CTNND2: variants seen among roughly 807,000 people sequenced by gnomAD.
CTNND2 encodes catenin delta-2.
CTNND2 carries 22 observed loss-of-function variants against 144.4 expected under a neutral mutation model. The observed-to-expected ratio is 0.15, with a 90% CI of 0.11 to 0.22. The LOEUF (loss-of-function observed/expected upper bound fraction) is 0.22, where lower values mean the gene tolerates loss of function less well. Among genes scored for constraint, CTNND2 ranks in the 10% least tolerant of loss-of-function variants. CTNND2 has a pLI of 1.00. For synonymous variants in CTNND2, 751 were observed against 695.6 expected, an observed-to-expected ratio of 1.08 and a Z score of -1.25; for missense variants, 1,353 against 1,618.8, an observed-to-expected ratio of 0.84 and a Z score of 2.82.
chr5:11,082,860 G>C lies in CTNND2; in HGVS notation c.2638-14C>G, dbSNP rs778523469. On this transcript the variant is annotated splice_polypyrimidine_tract_variant and intron_variant, in intron 15 of 21. Transcript: ENST00000304623. ...ATATACTGACCACTGCAAAAACAGG[G>C]AAGGCGAAGGGCGTTAGAAACAGGA... The C allele has an allele frequency of 1.2e-6, 2 of 1,613,010 alleles. No individual in the cohort carries two copies. The highest frequency in any genetic ancestry group is 1.7e-6 in the Non-Finnish European group (2 of 1,179,330).
At chr5:11,083,365 G>A (rs935850758) in intron 15 of CTNND2, among the ~76,000 whole-genome samples, 2 of 152,164 alleles carry the variant, frequency 1.3e-5, no homozygotes, top group Non-Finnish European at 2.9e-5. Flanking sequence ...GAAATAGGCA[G>A]GGGTGGATAA....
chr5:11,123,929 C>A (rs1035607551), intron 12 of CTNND2, among the ~76,000 whole-genome samples: 1 of 152,222 alleles, frequency 6.6e-6, no homozygotes, highest in Admixed American at 6.5e-5. Context: ...GGCCCCCACA[C>A]ACACCAGTTA....
intron 3 of CTNND2, among the ~76,000 whole-genome samples, chr5:11,470,159 G>A (rs1257909083): frequency 6.6e-6 from 1 of 152,190 alleles, no homozygotes. Flanking sequence ...ACATAGGCCA[G>A]GCACGGTGGC....
At chr5:11,479,551 T>C (rs1176679644) in intron 3 of CTNND2, among the ~76,000 whole-genome samples, 1 of 152,208 alleles carries the variant, frequency 6.6e-6, no homozygotes, top group Non-Finnish European at 1.5e-5. Context: ...TAGTTCTATT[T>C]TTAGCTCTTT....
chr5:11,519,506 G>GT (rs1339130167), intron 3 of CTNND2, among the ~76,000 whole-genome samples: 2 of 101,822 alleles, frequency 2.0e-5, no homozygotes, highest in African/African-American at 8.8e-5. Context: ...CTCTTTTGTG[G>GT]GTTTTTTTTT....
chr5:11,364,265 G>A (rs1296595566), intron 8 of CTNND2, among the ~76,000 whole-genome samples: 1 of 152,028 alleles, frequency 6.6e-6, no homozygotes, highest in Admixed American at 6.6e-5. Flanking sequence ...TATGCTACAT[G>A]TTTAGTAAAT....
At chr5:11,840,111 G>T (rs1319557566) in intron 1 of CTNND2, among the ~76,000 whole-genome samples, 1 of 152,024 alleles carries the variant, frequency 6.6e-6, no homozygotes, top group Admixed American at 6.6e-5. Context: ...AAAAAAAATT[G>T]TAACTACATC....
chr5:11,605,982 T>C (rs1223048816), intron 2 of CTNND2, among the ~76,000 whole-genome samples: 1 of 152,158 alleles, frequency 6.6e-6, no homozygotes, highest in East Asian at 1.9e-4. Flanking sequence ...TAACCCAATC[T>C]AATCACATGA....
intron 1 of CTNND2, among the ~76,000 whole-genome samples, chr5:11,861,361 C>T (rs1209753932): frequency 6.6e-6 from 1 of 152,194 alleles, no homozygotes; most frequent in Non-Finnish European, 1.5e-5. Context: ...GAACCTCTCC[C>T]ACCCAAACTT....
At chr5:11,094,313 C>T (rs1018500147) in intron 15 of CTNND2, among the ~76,000 whole-genome samples, 4 of 152,104 alleles carry the variant, frequency 2.6e-5, no homozygotes, top group African/African-American at 7.2e-5. Flanking sequence ...AACTTTATGA[C>T]TCGCAGAGTA....
At chr5:11,274,330 G>C (rs2149983138) in intron 9 of CTNND2, among the ~76,000 whole-genome samples, 1 of 152,260 alleles carries the variant, frequency 6.6e-6, no homozygotes. Flanking sequence ...TGCTTTGGGT[G>C]CTGATGAAAT....
chr5:11,685,516 C>T (rs1164606003), intron 2 of CTNND2, among the ~76,000 whole-genome samples: 2 of 152,174 alleles, frequency 1.3e-5, no homozygotes, highest in Non-Finnish European at 2.9e-5. Flanking sequence ...TGGGATATAA[C>T]AATTCATTCA....
intron 2 of CTNND2, among the ~76,000 whole-genome samples, chr5:11,616,153 C>T (rs971635695): frequency 1.3e-5 from 2 of 152,182 alleles, no homozygotes; most frequent in African/African-American, 2.4e-5. Context: ...CCTACTTACT[C>T]GCTGAGACAG....
chr5:11,454,466 A>G (rs771382149), intron 3 of CTNND2, among the ~76,000 whole-genome samples: 2 of 152,202 alleles, frequency 1.3e-5, no homozygotes, highest in Non-Finnish European at 2.9e-5. Context: ...CATTAACATA[A>G]TATTTGTATA....
At position 11,310,181 on chromosome 5, in the gene CTNND2, AGT is replaced by A. The variant is rs1275348062; in HGVS notation, c.1628+36189_1628+36190del. ...CAATGGGCTAGGTCCTGGGCTAGGC[AGT>A]GGCTAGGGAGAAATAAATAAAAACA... On this transcript the variant is annotated intron_variant, in intron 9 of 21. Coordinates refer to ENST00000304623, the MANE Select transcript of CTNND2 (RefSeq NM_001332.4). 2.0e-5 allele frequency among the ~76,000 whole-genome samples: 3 copies of A among 152,226 alleles called. No individual in the cohort carries two copies. The East Asian group carries it at 5.8e-4, about 29-fold the overall frequency.
Position 11,732,234 on chromosome 5 carries a change from C to G in CTNND2, c.76G>C (p.Glu26Gln), listed in dbSNP as rs150306957. ...PVPDQPSSAS[E>Q]KTSSLSPGLN... ...CCGGGGCTCAGGGAACTCGTCTTCT[C>G]TGAGGCTGATGAAGGCTGGTCTGGA... Residue 26 changes from glutamate to glutamine, a missense_variant, in exon 2 of 22, where the codon GAG becomes CAG. Transcript: ENST00000304623. 2.5e-5 allele frequency: 40 copies of G among 1,613,850 alleles called. No homozygotes were observed. In the African/African-American group the frequency reaches 4.5e-4, roughly 18 times the overall value.
chr5:11,320,346 T>A (rs539493212), intron 9 of CTNND2, among the ~76,000 whole-genome samples: 23 of 152,354 alleles, frequency 1.5e-4, no homozygotes, highest in African/African-American at 5.5e-4. Context: ...CTAGGTTTCT[T>A]GTTTATCTAA....
intron 15 of CTNND2, among the ~76,000 whole-genome samples, chr5:11,094,233 G>C (rs1338488245): frequency 6.6e-6 from 1 of 152,110 alleles, no homozygotes; most frequent in Non-Finnish European, 1.5e-5. Context: ...CATTGGGATG[G>C]AAATCTTTTG....
At chr5:11,823,292 A>AT (rs1793418002) in intron 1 of CTNND2, among the ~76,000 whole-genome samples, 1 of 152,174 alleles carries the variant, frequency 6.6e-6, no homozygotes, top group Non-Finnish European at 1.5e-5. Context: ...GATGCATGCA[A>AT]TTTTTTCCAA....
Sources: allele counts gnomAD v4.1 joint callset (sites outside exome capture counted in the v4.1 genomes callset), GRCh38; gene constraint gnomAD v4.1.1; transcripts MANE v1.5; gene names NCBI Gene and HGNC (gene_info 2026-07-23, HGNC 2026-07-21).